Variants in RAPGEF6 observed in about 807,000 individuals in gnomAD.
RAPGEF6 encodes the protein Rap guanine nucleotide exchange factor 6, also known as PDZ domain containing guanine nucleotide exchange factor (GEF) 2.
Under a neutral mutation model 171.4 loss-of-function variants are expected in RAPGEF6, and 56 were observed. That is an observed-to-expected ratio of 0.33 (90% CI 0.26 to 0.41). The LOEUF is 0.41. Ranked by LOEUF, RAPGEF6 falls within the 10% of genes least tolerant of loss-of-function variation. The probability of loss-of-function intolerance (pLI) is 1.00; values close to 1 mark genes in which losing one functional copy is unlikely to be tolerated. For missense variants in RAPGEF6, 1,674 were observed against 1,921.4 expected (o/e 0.87, Z 2.41); for synonymous variants, 692 against 650.1 (o/e 1.06, Z -0.98).
chr5:131,590,485 ACT>A, intron 4 of RAPGEF6, among the ~76,000 whole-genome samples: 2 of 152,194 alleles, frequency 1.3e-5, no homozygotes, highest in Admixed American at 6.5e-5. Context: ...GCCAAAAATT[ACT>A]TGATGCTTAA....
chr5:131,613,988 A>G (rs1340047072), intron 1 of RAPGEF6, among the ~76,000 whole-genome samples: 1 of 151,940 alleles, frequency 6.6e-6, no homozygotes, highest in East Asian at 1.9e-4. Context: ...ACACTGCTAT[A>G]AAGAACTACC....
chr5:131,611,715 C>A (rs191196020), intron 1 of RAPGEF6, among the ~76,000 whole-genome samples: 105 of 152,236 alleles, frequency 6.9e-4, no homozygotes, highest in Middle Eastern at 3.4e-3. Context: ...TGGTTTATTG[C>A]TGGTTTACAT....
rs1418659540 is a variant in RAPGEF6 at position 131,492,757 on chromosome 5, T to C, written c.1556A>G (p.Asn519Ser). The change falls in exon 14 of 28, where the codon AAT (asparagine) becomes AGT (serine). Residue 519 changes from asparagine to serine, a missense_variant. By Grantham distance (46) the Asn-to-Ser change is conservative. Around this residue, in one of 3 missense-constraint regions of RAPGEF6, gnomAD observed 1,116 missense variants for 1,321.5 expected, o/e 0.84. Coordinates refer to ENST00000509018, the MANE Select transcript of RAPGEF6 (RefSeq NM_016340.6). ...TKMNGHLRLL[N>S]IACAAKAKWR... is the part of the protein sequence containing the mutation. ...CTTAGCCTTTGCAGCACAGGCAATATTCAATAACCGGAGATGACCATTCAT... is the reference window on the plus strand; with the variant it reads ...CTTAGCCTTTGCAGCACAGGCAATACTCAATAACCGGAGATGACCATTCAT... 1 of 1,613,828 alleles carries C rather than the reference T, an allele frequency of 6.2e-7. No homozygotes were observed. The highest frequency in any genetic ancestry group is 1.1e-5 in the South Asian group (1 of 91,070).
At chr5:131,520,176 T>A (rs1284260864) in intron 7 of RAPGEF6, among the ~76,000 whole-genome samples, 1 of 152,224 alleles carries the variant, frequency 6.6e-6, no homozygotes, top group East Asian at 1.9e-4. Context: ...TATCTCAATC[T>A]GGGTAACTTT....
At chr5:131,501,614 A>T (rs1347023470) in intron 11 of RAPGEF6, among the ~76,000 whole-genome samples, 1 of 151,940 alleles carries the variant, frequency 6.6e-6, no homozygotes, top group African/African-American at 2.4e-5. Context: ...AATATATTAG[A>T]AGGTGGGATG....
intron 26 of RAPGEF6, among the ~76,000 whole-genome samples, chr5:131,429,464 T>A (rs760365800): frequency 3.2e-4 from 49 of 152,230 alleles, no homozygotes; most frequent in Non-Finnish European, 3.8e-4. Context: ...GAGATGACAC[T>A]GATGACAAGC....
chr5:131,616,301 A>G (rs1335397816), intron 1 of RAPGEF6, among the ~76,000 whole-genome samples: 1 of 152,232 alleles, frequency 6.6e-6, no homozygotes, highest in Non-Finnish European at 1.5e-5. Context: ...TTGCAGGTAT[A>G]TTCTGTGGAT....
chr5:131,631,288 T>C (rs1014709185), intron 1 of RAPGEF6, among the ~76,000 whole-genome samples: 1 of 152,228 alleles, frequency 6.6e-6, no homozygotes, highest in Non-Finnish European at 1.5e-5. Flanking sequence ...TGTTCAAAAC[T>C]GAATTTCTGA....
chr5:131,487,325 G>A (rs975968714), intron 15 of RAPGEF6, among the ~76,000 whole-genome samples: 1 of 152,204 alleles, frequency 6.6e-6, no homozygotes, highest in African/African-American at 2.4e-5. Context: ...AGGGTGGAAG[G>A]GGACCCTGGC....
At chr5:131,452,031 G>C (rs536104879) in intron 21 of RAPGEF6, among the ~76,000 whole-genome samples, 4 of 152,088 alleles carry the variant, frequency 2.6e-5, no homozygotes, top group African/African-American at 9.7e-5. Context: ...AGGAGATCGA[G>C]ACCACGGTGA....
chr5:131,537,982 A>G (rs955384205), intron 6 of RAPGEF6, among the ~76,000 whole-genome samples: 2 of 152,126 alleles, frequency 1.3e-5, no homozygotes, highest in African/African-American at 2.4e-5. Context: ...AATCCCAGCT[A>G]CTCAGGAGGC....
At chr5:131,620,303 A>G (rs1236130498) in intron 1 of RAPGEF6, among the ~76,000 whole-genome samples, 3 of 152,148 alleles carry the variant, frequency 2.0e-5, no homozygotes, top group Non-Finnish European at 2.9e-5. Flanking sequence ...TATGACTCCC[A>G]TATTTGTATT....
chr5:131,590,357 A>T (rs1243009901), intron 4 of RAPGEF6, among the ~76,000 whole-genome samples: 1 of 152,212 alleles, frequency 6.6e-6, no homozygotes, highest in African/African-American at 2.4e-5. Context: ...AGATCATGCC[A>T]CTGCCCTCCA....
At chr5:131,611,658 T>A (rs1764940893) in intron 1 of RAPGEF6, among the ~76,000 whole-genome samples, 1 of 152,096 alleles carries the variant, frequency 6.6e-6, no homozygotes, top group Non-Finnish European at 1.5e-5. Context: ...CGTGACAGAG[T>A]GAGATTCTTG....
intron 11 of RAPGEF6, among the ~76,000 whole-genome samples, chr5:131,503,952 A>T (rs1447225218): frequency 6.6e-6 from 1 of 152,222 alleles, no homozygotes; most frequent in Non-Finnish European, 1.5e-5. Context: ...AGCACTCTGC[A>T]TCTTAATCTA....
At position 131,495,672 on chromosome 5, in the gene RAPGEF6, T is replaced by C. The variant is rs40400; in HGVS notation, c.1420-12A>G. On this transcript the variant is annotated splice_polypyrimidine_tract_variant and intron_variant, in intron 12 of 27. Coordinates refer to ENST00000509018, the MANE Select transcript of RAPGEF6 (RefSeq NM_016340.6). ...ACAATCCGTGTCACCTGTGGAAACA[T>C]AAAAGAGGCAGCATATGGTTATAAG... 1,238,416 of 1,605,058 alleles carry C rather than the reference T, an allele frequency of 0.77. 481,072 individuals are homozygous for C. Among genetic ancestry groups the C allele is most frequent in the African/African-American group, 0.83 (61,742 of 74,736 alleles).
chr5:131,492,548 A>T (rs1173279438), intron 14 of RAPGEF6, 34 bp downstream of exon 14: 4 of 1,595,362 alleles, frequency 2.5e-6, no homozygotes, highest in Non-Finnish European at 3.4e-6. Context: ...ACTTTTAAGA[A>T]GGCTTGAATA....
At chr5:131,469,430 G>A (rs1259073986) in intron 17 of RAPGEF6, among the ~76,000 whole-genome samples, 1 of 151,916 alleles carries the variant, frequency 6.6e-6, no homozygotes, top group Non-Finnish European at 1.5e-5. Flanking sequence ...TAAGGGTTTG[G>A]GCTATTAAGT....
In RAPGEF6 at chr5:131,428,989, T is replaced by C; in HGVS notation, c.4693A>G (p.Lys1565Glu). The change falls in exon 27 of 28, where the codon AAG becomes GAG. Residue 1565 changes from lysine to glutamate, a missense_variant. Coordinates refer to ENST00000509018, the MANE Select transcript of RAPGEF6 (RefSeq NM_016340.6). ...TGCCTCTGAGGCTGAGTTACAATCTTCGATGGAACACAGGCCACGAGGTTG... is the reference window on the plus strand; with the variant it reads ...TGCCTCTGAGGCTGAGTTACAATCTCCGATGGAACACAGGCCACGAGGTTG... ...SSNLVACVPS[K>E]IVTQPQRHNL... The C allele has an allele frequency of 6.2e-7, 1 of 1,614,204 alleles. No individual in the cohort carries two copies. Among genetic ancestry groups the C allele is most frequent in the Non-Finnish European group, 8.5e-7 (1 of 1,180,022 alleles).
Sources: allele counts gnomAD v4.1 joint callset (sites outside exome capture counted in the v4.1 genomes callset), GRCh38; gene constraint gnomAD v4.1.1; regional missense constraint gnomAD v4.1.1; transcripts MANE v1.5; gene names NCBI Gene and HGNC (gene_info 2026-07-23, HGNC 2026-07-21).